LARP4: variants seen among roughly 807,000 people sequenced by gnomAD.
The protein encoded by LARP4 is la-related protein 4.
Under a neutral mutation model 92.9 loss-of-function variants are expected in LARP4, and 29 were observed. The observed-to-expected ratio is 0.31, with a 90% CI of 0.23 to 0.43. LARP4 has a LOEUF of 0.43. LARP4 is among the 20% of genes least tolerant of loss of function. LARP4 has a pLI of 1.00. For synonymous variants in LARP4, 279 were observed against 284.1 expected (o/e 0.98, Z 0.18); for missense variants, 732 against 860.0 (o/e 0.85, Z 1.86).
intron 12 of LARP4, among the ~76,000 whole-genome samples, chr12:50,466,443 G>A (rs1219646849): frequency 6.6e-6 from 1 of 151,982 alleles, no homozygotes; most frequent in Non-Finnish European, 1.5e-5. Context: ...GTGAAACCTT[G>A]TCACTACTAA....
chr12:50,442,648 C>G (rs898939759), intron 8 of LARP4, among the ~76,000 whole-genome samples: 2 of 152,204 alleles, frequency 1.3e-5, no homozygotes, highest in African/African-American at 2.4e-5. Context: ...GTGTTGAACT[C>G]TGTGTGTCAC....
At chr12:50,465,493 G>T (rs962784488) in intron 12 of LARP4, among the ~76,000 whole-genome samples, 1 of 152,116 alleles carries the variant, frequency 6.6e-6, no homozygotes, top group African/African-American at 2.4e-5. Flanking sequence ...GGTAGGTCAT[G>T]GTAGAGGAGC....
chr12:50,420,947 C>CTTTTTTTTTTTTTTTTT (rs71083567), intron 1 of LARP4: 5 of 111,436 alleles, frequency 4.5e-5, no homozygotes, highest in African/African-American at 1.4e-4. Flanking sequence ...ATAACCTTTG[C>CTTTTTTTTTTTTTTTTT]TTTTTTTTTT....
In LARP4 at chr12:50,403,793, A is replaced by G. The variant is rs114619779; in HGVS notation, c.18+2765A>G. Among the ~76,000 whole-genome samples, 1,324 of 152,354 alleles carry G rather than the reference A, an allele frequency of 8.7e-3. 15 individuals are homozygous for G. Among genetic ancestry groups the G allele is most frequent in the African/African-American group, 0.03 (1,233 of 41,578 alleles). ...AGAATCAGTAGGATAGATAATAGCA[A>G]TATAACAATAACAACAGTAGTAGTA... On this transcript the variant is annotated intron_variant, in intron 1 of 15. Transcript: ENST00000398473.
chr12:50,473,982 A>G lies in LARP4; in HGVS notation c.1668-17A>G, dbSNP rs760792941. On this transcript the variant is annotated splice_polypyrimidine_tract_variant and intron_variant, in intron 14 of 15. Coordinates refer to ENST00000398473, the MANE Select transcript of LARP4 (RefSeq NM_052879.5). ...ATATGCTATTCTGAGTCTAATTGCA[A>G]GCTCTTTTTTCCTTAGCACAACTCA... 1 of 1,604,854 alleles carries G rather than the reference A, an allele frequency of 6.2e-7. No homozygotes were observed.
At chr12:50,439,138 C>T (rs1308146916) in intron 6 of LARP4, among the ~76,000 whole-genome samples, 3 of 152,102 alleles carry the variant, frequency 2.0e-5, no homozygotes, top group Non-Finnish European at 4.4e-5. Flanking sequence ...GGGGTTTTGC[C>T]ATGTTGCCTA....
intron 6 of LARP4, among the ~76,000 whole-genome samples, chr12:50,439,544 G>A (rs1462601681): frequency 1.3e-5 from 2 of 151,812 alleles, no homozygotes; most frequent in Non-Finnish European, 2.9e-5. Flanking sequence ...CTGTGACTAC[G>A]GGAGCCAGCC....
At chr12:50,439,065 G>A (rs1385493234) in intron 6 of LARP4, among the ~76,000 whole-genome samples, 1 of 152,176 alleles carries the variant, frequency 6.6e-6, no homozygotes, top group East Asian at 1.9e-4. Context: ...AGCCTCCTGA[G>A]TAGTTGGGAC....
chr12:50,443,524 C>T (rs1221131667), intron 8 of LARP4, among the ~76,000 whole-genome samples: 2 of 152,146 alleles, frequency 1.3e-5, no homozygotes, highest in African/African-American at 4.8e-5. Context: ...ATCTCAGCCT[C>T]CCAAAGTGCT....
intron 8 of LARP4, among the ~76,000 whole-genome samples, chr12:50,449,101 G>C (rs1952691760): frequency 6.6e-6 from 1 of 151,938 alleles, no homozygotes; most frequent in Admixed American, 6.6e-5. Flanking sequence ...TATTTAGCCA[G>C]GCTTTGTGGC....
rs778167144 is a variant in LARP4, at chr12:50,475,803, C to G, written c.2114C>G (p.Pro705Arg). Residue 705 changes from proline (P) to arginine (R), a missense_variant, in exon 16 of 16, where the codon CCT becomes CGT. Transcript: ENST00000398473. ...CGCCAGTTTAGCCATAGGGCTATAC[C>G]TCAGGGAGTGACTCGACGTAATGGC... ...QRRQFSHRAI[P>R]QGVTRRNGKE... 1.2e-6 allele frequency: 2 copies of G among 1,614,066 alleles called. No individual in the cohort carries two copies. Among genetic ancestry groups the G allele is most frequent in the Admixed American group, 3.3e-5 (2 of 59,990 alleles).
chr12:50,401,194 C>T, intron 1 of LARP4, 166 bp downstream of exon 1: 1 of 744,752 alleles, frequency 1.3e-6, no homozygotes, highest in Non-Finnish European at 2.4e-6. Context: ...CCTCTGCGCG[C>T]TCACAACACT....
intron 8 of LARP4, among the ~76,000 whole-genome samples, chr12:50,442,870 A>T (rs1951435925): frequency 6.6e-6 from 1 of 152,134 alleles, no homozygotes; most frequent in African/African-American, 2.4e-5. Context: ...TTTAAATCTC[A>T]TAATTGCTGT....
chr12:50,437,326 A>C (rs554915172), intron 5 of LARP4, among the ~76,000 whole-genome samples: 1 of 152,142 alleles, frequency 6.6e-6, no homozygotes, highest in Non-Finnish European at 1.5e-5. Context: ...ATTTCTTCAT[A>C]TATCAGATTT....
chr12:50,469,032 C>G (rs1256404715), intron 13 of LARP4, among the ~76,000 whole-genome samples: 5 of 151,962 alleles, frequency 3.3e-5, no homozygotes, highest in African/African-American at 1.2e-4. Flanking sequence ...TCTTGTTTCA[C>G]TCTTCCATGT....
At chr12:50,401,610 A>T (rs1279859964) in intron 1 of LARP4, among the ~76,000 whole-genome samples, 1 of 152,202 alleles carries the variant, frequency 6.6e-6, no homozygotes, top group Admixed American at 6.5e-5. Flanking sequence ...AGGAGAAGCC[A>T]GTAGGGTTTG....
intron 5 of LARP4, 43 bp from the exon 6 acceptor site, chr12:50,437,692 C>T (rs1950638589): frequency 3.6e-6 from 4 of 1,124,000 alleles, no homozygotes; most frequent in Non-Finnish European, 5.3e-6. Flanking sequence ...AATAATATCA[C>T]TACTTGTCAC....
intron 7 of LARP4, 30 bp downstream of exon 7, chr12:50,440,579 C>T: frequency 6.9e-7 from 1 of 1,443,876 alleles, no homozygotes; most frequent in South Asian, 1.2e-5. Context: ...TGATACAAGT[C>T]CATCCTAGTG....
intron 1 of LARP4, among the ~76,000 whole-genome samples, chr12:50,415,520 A>G (rs566548274): frequency 1.3e-5 from 2 of 152,258 alleles, no homozygotes; most frequent in African/African-American, 4.8e-5. Context: ...TTAATTATAT[A>G]TGACATACTT....
Sources: gnomAD v4.1 joint callset for allele counts (sites outside exome capture counted in the v4.1 genomes callset) on GRCh38, gnomAD v4.1.1 for gene constraint, MANE v1.5 for transcripts, NCBI Gene and HGNC (gene_info 2026-07-23, HGNC 2026-07-21) for gene names.